Variants in KCNH5 observed in about 807,000 individuals in gnomAD.
KCNH5 encodes voltage-gated delayed rectifier potassium channel KCNH5.
Under a neutral mutation model 96.1 loss-of-function variants are expected in KCNH5, and 46 were observed. The observed-to-expected ratio is 0.48, with a 90% CI of 0.38 to 0.61. The LOEUF (loss-of-function observed/expected upper bound fraction) is 0.61, where lower values mean the gene tolerates loss of function less well. Among genes scored for constraint, KCNH5 ranks in the 20% least tolerant of loss-of-function variants. The pLI is 0.00. For missense variants in KCNH5, 907 were observed against 1,225.8 expected, an observed-to-expected ratio of 0.74 and a Z score of 3.88; for synonymous variants, 439 against 449.8, an observed-to-expected ratio of 0.98 and a Z score of 0.30.
rs936481270 is a variant in KCNH5 at position 62,802,722 on chromosome 14, G to T, written c.1570-141C>A. 34 of 982,518 alleles carry T rather than the reference G, an allele frequency of 3.5e-5. No homozygotes were observed. In the East Asian group the frequency reaches 8.7e-4, roughly 25 times the overall value. 60.9% of individuals were successfully genotyped at this position (982,518 alleles called of 1,614,324 possible). ...CCTTGCTGGGTACTGGGAAGGCAAA[G>T]GGAACAAGACACAGCTCCGCTCTCA... On this transcript the variant is annotated intron_variant, in intron 8 of 10. Transcript: ENST00000322893.
intron 1 of KCNH5, among the ~76,000 whole-genome samples, chr14:63,043,027 A>T (rs138204038): frequency 1.3e-5 from 2 of 152,338 alleles, no homozygotes; most frequent in East Asian, 3.9e-4. Flanking sequence ...CATTTAACCA[A>T]TGAAACGATT....
intron 7 of KCNH5, among the ~76,000 whole-genome samples, chr14:62,942,553 T>C (rs921414910): frequency 4.6e-5 from 7 of 152,202 alleles, no homozygotes; most frequent in East Asian, 1.9e-4. Flanking sequence ...ATGGTGCTGA[T>C]TGACCAGTGT....
chr14:63,001,218 A>G (rs555832060), intron 4 of KCNH5, 113 bp downstream of exon 4: 2 of 865,320 alleles, frequency 2.3e-6, no homozygotes, highest in African/African-American at 3.5e-5. Flanking sequence ...GAAGCAAAAG[A>G]AAGGCCACAT....
chr14:62,905,753 C>T (rs11625796), intron 7 of KCNH5, among the ~76,000 whole-genome samples: 73,851 of 152,092 alleles, frequency 0.49, 18,314 homozygotes, highest in South Asian at 0.67. Flanking sequence ...ATGTCTAGTT[C>T]TCAGGGCTTT....
At chr14:62,736,814 G>T (rs1263111951) in intron 10 of KCNH5, among the ~76,000 whole-genome samples, 3 of 152,152 alleles carry the variant, frequency 2.0e-5, no homozygotes, top group African/African-American at 7.2e-5. Flanking sequence ...CCGAGCCACA[G>T]TTCATGTTTC....
At chr14:62,954,297 C>T (rs928696385) in intron 6 of KCNH5, among the ~76,000 whole-genome samples, 3 of 152,138 alleles carry the variant, frequency 2.0e-5, no homozygotes, top group Middle Eastern at 3.2e-3. Flanking sequence ...TGGGAGAATT[C>T]GATATCCTTC....
At chr14:62,961,388 TTCCTATGCA>T (rs1401219735) in intron 6 of KCNH5, among the ~76,000 whole-genome samples, 1 of 152,144 alleles carries the variant, frequency 6.6e-6, no homozygotes, top group African/African-American at 2.4e-5. Context: ...GTCTGGTGAA[TTCCTATGCA>T]TCTCTCAGGA....
At chr14:63,032,039 C>A (rs1891638223) in intron 1 of KCNH5, among the ~76,000 whole-genome samples, 3 of 124,592 alleles carry the variant, frequency 2.4e-5, no homozygotes, top group Admixed American at 1.8e-4. Context: ...ATAAGACACA[C>A]AAATTTTAGA....
intron 7 of KCNH5, among the ~76,000 whole-genome samples, chr14:62,902,752 C>T (rs1888952971): frequency 6.6e-6 from 1 of 150,502 alleles, no homozygotes; most frequent in African/African-American, 2.5e-5. Flanking sequence ...AAGAGCCTCA[C>T]TCTGTCATGC....
chr14:63,031,362 T>G (rs1483227189), intron 1 of KCNH5, among the ~76,000 whole-genome samples: 1 of 152,156 alleles, frequency 6.6e-6, no homozygotes, highest in Non-Finnish European at 1.5e-5. Flanking sequence ...AATCATGGGA[T>G]CAATAATCCT....
chr14:62,757,806 G>T (rs548682409), intron 10 of KCNH5, among the ~76,000 whole-genome samples: 20 of 152,216 alleles, frequency 1.3e-4, no homozygotes, highest in Admixed American at 1.0e-3. Flanking sequence ...GCTGGAATGG[G>T]TAGTGGGTGG....
chr14:63,012,996 G>GAA (rs76956667), intron 2 of KCNH5, among the ~76,000 whole-genome samples: 1 of 148,470 alleles, frequency 6.7e-6, no homozygotes, highest in Admixed American at 6.7e-5. Context: ...GAAATAAAAG[G>GAA]AAAAAAATAA....
intron 8 of KCNH5, among the ~76,000 whole-genome samples, chr14:62,847,035 C>A (rs994613052): frequency 4.0e-5 from 6 of 149,194 alleles, no homozygotes; most frequent in African/African-American, 1.5e-4. Context: ...CTCCTGACCT[C>A]GTGATCCGCC....
At chr14:62,870,141 A>G (rs1028020086) in intron 7 of KCNH5, among the ~76,000 whole-genome samples, 8 of 152,182 alleles carry the variant, frequency 5.3e-5, no homozygotes, top group African/African-American at 1.9e-4. Flanking sequence ...CAAGCTTACC[A>G]TTTTGGCCAA....
At chr14:62,770,831 T>C (rs8011235) in intron 10 of KCNH5, among the ~76,000 whole-genome samples, 73,323 of 152,112 alleles carry the variant, frequency 0.48, 19,665 homozygotes, top group South Asian at 0.78. Flanking sequence ...CATTTCTTCA[T>C]ATTTAACTTA....
At chr14:62,812,030 A>G (rs539230483) in intron 8 of KCNH5, among the ~76,000 whole-genome samples, 11 of 152,256 alleles carry the variant, frequency 7.2e-5, no homozygotes, top group Middle Eastern at 6.8e-3. Context: ...TGTCTCATAA[A>G]GGTTATGTGA....
At chr14:62,956,515 C>A (rs1039668989) in intron 6 of KCNH5, among the ~76,000 whole-genome samples, 1 of 141,742 alleles carries the variant, frequency 7.1e-6, no homozygotes, top group African/African-American at 2.6e-5. Flanking sequence ...ATTTAAACAT[C>A]AAAAAAATGT....
Position 63,045,101 on chromosome 14 carries a change from C to T in KCNH5, c.73+13G>A. On this transcript the variant is annotated intron_variant, in intron 1 of 10. Transcript: ENST00000322893. ...ATGGAGGTGGGGGTGTTCTGAACTA[C>T]AACTCTCCTTACCACTGGAGCGCCT... 1 of 1,611,022 alleles carries T rather than the reference C, an allele frequency of 6.2e-7. No homozygotes were observed. Among genetic ancestry groups the T allele is most frequent in the African/African-American group, 1.3e-5 (1 of 74,974 alleles).
At chr14:62,801,376 TAAA>T (rs34625867) in intron 9 of KCNH5, among the ~76,000 whole-genome samples, 10 of 138,434 alleles carry the variant, frequency 7.2e-5, no homozygotes, top group Non-Finnish European at 7.8e-5. Context: ...TTTTACCTGG[TAAA>T]AAAAAAAAAA....
Sources: allele counts gnomAD v4.1 joint callset (sites outside exome capture counted in the v4.1 genomes callset), GRCh38; gene constraint gnomAD v4.1.1; transcripts MANE v1.5; gene names NCBI Gene and HGNC (gene_info 2026-07-23, HGNC 2026-07-21).